Variants in EYS observed in about 807,000 individuals in gnomAD.
EYS encodes the protein protein eyes shut homolog.
Under a neutral mutation model 282.1 loss-of-function variants are expected in EYS, and 250 were observed. That is an observed-to-expected ratio of 0.89 (90% confidence interval 0.80 to 0.98). The LOEUF is 0.98. Ranked by LOEUF, EYS falls within the 50% of genes least tolerant of loss-of-function variation. EYS has a pLI of 0.00. For missense variants in EYS, 4,016 were observed against 3,709.0 expected (o/e 1.08, Z -2.15); for synonymous variants, 1,355 against 1,282.9 (o/e 1.06, Z -1.20).
chr6:65,028,175 A>G (rs1772479714), intron 13 of EYS, among the ~76,000 whole-genome samples: 1 of 152,080 alleles, frequency 6.6e-6, no homozygotes, highest in African/African-American at 2.4e-5. Context: ...ATTTTTATAT[A>G]GCTTAAAGCT....
intron 6 of EYS, among the ~76,000 whole-genome samples, chr6:65,404,845 T>C (rs192425515): frequency 5.6e-4 from 85 of 152,048 alleles, no homozygotes; most frequent in Middle Eastern, 3.4e-3. Context: ...GAAGAGCTAA[T>C]GAAATATTTC....
chr6:64,754,521 A>G (rs907710206), intron 22 of EYS, among the ~76,000 whole-genome samples: 5 of 152,096 alleles, frequency 3.3e-5, no homozygotes, highest in Non-Finnish European at 7.4e-5. Context: ...TTGCCAGACA[A>G]GTACACAACA....
At chr6:65,403,237 T>C (rs981324934) in intron 6 of EYS, among the ~76,000 whole-genome samples, 5 of 151,966 alleles carry the variant, frequency 3.3e-5, no homozygotes, top group Non-Finnish European at 7.4e-5. Context: ...AAATAAACCA[T>C]TGGCACCTGA....
intron 12 of EYS, among the ~76,000 whole-genome samples, chr6:65,083,146 A>G (rs553780456): frequency 3.9e-5 from 6 of 152,162 alleles, no homozygotes; most frequent in South Asian, 2.1e-4. Flanking sequence ...CCACTGAAGC[A>G]GGAAACATAA....
chr6:65,647,872 A>T (rs557108810), intron 1 of EYS, among the ~76,000 whole-genome samples: 1 of 152,308 alleles, frequency 6.6e-6, no homozygotes, highest in African/African-American at 2.4e-5. Context: ...TGGGCTAAGG[A>T]CATGAAAAGA....
At chr6:65,687,073 G>T (rs891483219) in intron 1 of EYS, among the ~76,000 whole-genome samples, 17 of 151,904 alleles carry the variant, frequency 1.1e-4, no homozygotes, top group Non-Finnish European at 2.4e-4. Flanking sequence ...CTAGTTTCAC[G>T]CATGAGTGAT....
intron 12 of EYS, among the ~76,000 whole-genome samples, chr6:65,225,556 A>T (rs1050896049): frequency 6.6e-5 from 10 of 151,708 alleles, no homozygotes; most frequent in African/African-American, 2.4e-4. Context: ...TCTGCTAAAA[A>T]TTCAAAAATT....
chr6:63,810,480 G>A (rs951866093), intron 36 of EYS, among the ~76,000 whole-genome samples: 7 of 152,102 alleles, frequency 4.6e-5, no homozygotes, highest in African/African-American at 1.4e-4. Flanking sequence ...GAAGCCCACC[G>A]GCTGGTAGTA....
At chr6:64,846,876 A>G (rs1373737393) in intron 19 of EYS, among the ~76,000 whole-genome samples, 1 of 152,130 alleles carries the variant, frequency 6.6e-6, no homozygotes, top group Non-Finnish European at 1.5e-5. Flanking sequence ...TAATCATTGC[A>G]TGTGTTCACT....
chr6:64,511,543 T>C (rs1417728875), intron 26 of EYS, among the ~76,000 whole-genome samples: 1 of 151,930 alleles, frequency 6.6e-6, no homozygotes, highest in African/African-American at 2.4e-5. Flanking sequence ...CACTGTGTGG[T>C]TTGGCCACAT....
At chr6:64,212,229 G>A (rs186713404) in intron 31 of EYS, among the ~76,000 whole-genome samples, 1 of 152,058 alleles carries the variant, frequency 6.6e-6, no homozygotes, top group Admixed American at 6.5e-5. Context: ...AAATCTGGAA[G>A]TATATAATTA....
At chr6:64,433,860 G>A (rs1774650722) in intron 28 of EYS, among the ~76,000 whole-genome samples, 1 of 151,990 alleles carries the variant, frequency 6.6e-6, no homozygotes, top group Non-Finnish European at 1.5e-5. Flanking sequence ...AGGGGCAGGA[G>A]ATCTGGGTTC....
At chr6:64,874,144 T>A in intron 19 of EYS, among the ~76,000 whole-genome samples, 1 of 152,080 alleles carries the variant, frequency 6.6e-6, no homozygotes, top group South Asian at 2.1e-4. Flanking sequence ...TAAAAATCAT[T>A]GACTTTCGGA....
intron 29 of EYS, among the ~76,000 whole-genome samples, chr6:64,317,984 C>G (rs919766919): frequency 5.9e-5 from 9 of 151,950 alleles, no homozygotes; most frequent in Non-Finnish European, 1.2e-4. Context: ...ACAATGAGAA[C>G]ACATGGATAC....
At chr6:64,823,483 T>C (rs1036049813) in intron 19 of EYS, among the ~76,000 whole-genome samples, 66 of 151,706 alleles carry the variant, frequency 4.4e-4, no homozygotes, top group African/African-American at 1.5e-3. Flanking sequence ...CAAGATTGTG[T>C]TTCGTATGTT....
chr6:64,194,733 A>G (rs900318069), intron 31 of EYS, among the ~76,000 whole-genome samples: 1 of 152,138 alleles, frequency 6.6e-6, no homozygotes, highest in African/African-American at 2.4e-5. Context: ...AGTGTTATAT[A>G]TATATTCAAA....
intron 14 of EYS, among the ~76,000 whole-genome samples, chr6:64,964,751 G>C (rs1204727478): frequency 2.6e-5 from 4 of 152,140 alleles, no homozygotes; most frequent in South Asian, 2.1e-4. Flanking sequence ...TTCTATATAG[G>C]CTGGGTGCAG....
chr6:64,262,593 C>T (rs1031287286), intron 30 of EYS, among the ~76,000 whole-genome samples: 1 of 151,940 alleles, frequency 6.6e-6, no homozygotes, highest in Non-Finnish European at 1.5e-5. Flanking sequence ...TAAACATTCC[C>T]TCCCACTCAA....
chr6:65,387,626 T>C (rs553501038), intron 7 of EYS, among the ~76,000 whole-genome samples: 1 of 152,026 alleles, frequency 6.6e-6, no homozygotes, highest in East Asian at 1.9e-4. Flanking sequence ...TGCTTAAAGT[T>C]TTCTAGCTGC....
Sources: gnomAD v4.1 joint callset for allele counts (sites outside exome capture counted in the v4.1 genomes callset) on GRCh38, gnomAD v4.1.1 for gene constraint, MANE v1.5 for transcripts, NCBI Gene and HGNC (gene_info 2026-07-23, HGNC 2026-07-21) for gene names.